Variants in LAMA1 observed in about 807,000 individuals in gnomAD.
The protein encoded by LAMA1 is laminin subunit alpha-1.
Under a neutral mutation model 348.7 loss-of-function variants are expected in LAMA1, and 219 were observed. That is an observed-to-expected ratio of 0.63 (90% CI 0.56 to 0.70). LAMA1 has a LOEUF of 0.70. LAMA1 is among the 30% of genes least tolerant of loss of function. LAMA1 has a pLI of 0.00. For missense variants in LAMA1, 3,744 were observed against 3,888.0 expected (o/e 0.96, Z 0.99); for synonymous variants, 1,487 against 1,491.0 (o/e 1.00, Z 0.06).
intron 3 of LAMA1, among the ~76,000 whole-genome samples, chr18:7,073,095 A>G (rs548070019): frequency 6.6e-6 from 1 of 152,188 alleles, no homozygotes; most frequent in East Asian, 1.9e-4. Context: ...CCCCCAAGTT[A>G]CCTTCCTGCT....
intron 16 of LAMA1, among the ~76,000 whole-genome samples, chr18:7,026,686 T>C (rs532012112): frequency 3.7e-4 from 56 of 152,176 alleles, no homozygotes; most frequent in African/African-American, 1.2e-3. Flanking sequence ...ACCAAGGACA[T>C]TGTATTTTTT....
chr18:7,099,626 A>T (rs143685950), intron 1 of LAMA1, among the ~76,000 whole-genome samples: 1 of 152,208 alleles, frequency 6.6e-6, no homozygotes, highest in East Asian at 1.9e-4. Flanking sequence ...TTAGGCAAAG[A>T]AATTCTCAAA....
Position 6,992,579 on chromosome 18 carries a change from T to C in LAMA1, c.5150A>G (p.Asn1717Ser), listed in dbSNP as rs369790608. Residue 1717 changes from asparagine (N) to serine (S), a missense_variant, in exon 36 of 63, where the codon AAT becomes AGT. Physicochemically the swap from Asn to Ser is conservative, Grantham distance 46. Around this residue, in one of 3 missense-constraint regions of LAMA1, gnomAD observed 1,983 missense variants for 1,934.3 expected, o/e 1.03. Transcript: ENST00000389658. ...QIRDFTQLHQ[N>S]ATLELKAAED... ...AACTTACTTGAGTTCAAGGGTGGCA[T>C]TTTGGTGCAACTGTGTGAAGTCTCT... 12 of 1,614,056 alleles carry C rather than the reference T, an allele frequency of 7.4e-6. No homozygotes were observed. Among genetic ancestry groups the C allele is most frequent in the South Asian group, 3.3e-5 (3 of 91,080 alleles).
rs200864652 is a variant in LAMA1 at position 6,955,358 on chromosome 18, T to G, written c.8202A>C (p.Arg2734Ser). ...GATGTTAGAATGATACCTACTTCTT[T>G]CTGACAGCCGACTGATTAAAAGGCA... The part of the protein sequence containing the change: ...FILPFNQSAV[R>S]KKLSVELSIR... Residue 2734 changes from arginine to serine, a missense_variant, in exon 57 of 63, where the codon AGA becomes AGC. Physicochemically the swap from Arg to Ser is moderately radical, Grantham distance 110. Transcript: ENST00000389658. 105 of 1,613,352 alleles carry G rather than the reference T, an allele frequency of 6.5e-5. No individual in the cohort carries two copies. Among genetic ancestry groups the G allele is most frequent in the Non-Finnish European group, 8.7e-5 (103 of 1,179,582 alleles).
intron 29 of LAMA1, among the ~76,000 whole-genome samples, chr18:7,005,702 C>T (rs893171751): frequency 3.9e-5 from 6 of 152,052 alleles, no homozygotes; most frequent in African/African-American, 7.2e-5. Flanking sequence ...GAGCTGACTG[C>T]GCCATTGTAC....
chr18:7,115,818 A>AC (rs1555671022), intron 1 of LAMA1, among the ~76,000 whole-genome samples: 104 of 145,726 alleles, frequency 7.1e-4, no homozygotes, highest in Middle Eastern at 3.6e-3. Context: ...AAAATACAAA[A>AC]AAAAAAAAAA....
intron 1 of LAMA1, among the ~76,000 whole-genome samples, chr18:7,116,079 G>A (rs966479897): frequency 3.9e-5 from 6 of 152,150 alleles, no homozygotes; most frequent in Admixed American, 3.3e-4. Context: ...ACATTAAAGG[G>A]CTCCTGCCCT....
intron 22 of LAMA1, among the ~76,000 whole-genome samples, chr18:7,014,568 GCTTTGAGGATACAGT>G (rs1401772161): frequency 5.1e-5 from 2 of 39,492 alleles, no homozygotes; most frequent in East Asian, 3.6e-4. Context: ...GATACAGTGA[GCTTTGAGGATACAGT>G]GAGCTTTGAT....
intron 1 of LAMA1, among the ~76,000 whole-genome samples, chr18:7,090,670 A>C (rs1393767913): frequency 6.6e-6 from 1 of 151,856 alleles, no homozygotes; most frequent in East Asian, 1.9e-4. Context: ...GAGATATTGA[A>C]AGAAAGAAAG....
At chr18:6,951,025 T>TA (rs1239902946) in intron 57 of LAMA1, 54 bp from the exon 58 acceptor site, 7 of 1,519,266 alleles carry the variant, frequency 4.6e-6, no homozygotes, top group Non-Finnish European at 6.3e-6. Flanking sequence ...TTTTCATTTT[T>TA]AAAACCTCAA....
At chr18:6,947,386 G>A (rs1403161953) in intron 60 of LAMA1, 90 bp from the exon 61 acceptor site, 2 of 1,503,340 alleles carry the variant, frequency 1.3e-6, no homozygotes, top group Non-Finnish European at 1.8e-6. Context: ...TGGGGGACCT[G>A]GCTCTAGCTC....
chr18:7,087,085 C>T (rs950203582), intron 1 of LAMA1, among the ~76,000 whole-genome samples: 1 of 152,072 alleles, frequency 6.6e-6, no homozygotes, highest in Non-Finnish European at 1.5e-5. Context: ...GTGCGTCGGA[C>T]TGAAGTTGAC....
intron 57 of LAMA1, among the ~76,000 whole-genome samples, chr18:6,953,491 C>T (rs1028387588): frequency 2.6e-5 from 4 of 152,078 alleles, no homozygotes; most frequent in African/African-American, 9.7e-5. Context: ...AGGTACTAGC[C>T]GAGGTTTCAG....
intron 16 of LAMA1, among the ~76,000 whole-genome samples, chr18:7,026,983 CAAA>C (rs34247523): frequency 4.4e-5 from 3 of 68,628 alleles, no homozygotes; most frequent in Admixed American, 1.7e-4. Context: ...GACTCCGTCT[CAAA>C]AAAAAAAAAA....
At chr18:6,963,310 C>G (rs2057617172) in intron 51 of LAMA1, among the ~76,000 whole-genome samples, 1 of 152,188 alleles carries the variant, frequency 6.6e-6, no homozygotes, top group Admixed American at 6.5e-5. Flanking sequence ...GCTACAGGAA[C>G]ACCCCAGTCC....
chr18:6,971,094 G>T (rs2057656272), intron 48 of LAMA1, among the ~76,000 whole-genome samples: 1 of 152,154 alleles, frequency 6.6e-6, no homozygotes, highest in South Asian at 2.1e-4. Context: ...TTAGACAAGA[G>T]AAATTATATC....
chr18:6,961,348 C>G (rs191730621), intron 53 of LAMA1, among the ~76,000 whole-genome samples: 4 of 152,266 alleles, frequency 2.6e-5, no homozygotes, highest in East Asian at 3.9e-4. Flanking sequence ...TAGAGGTAGA[C>G]AGCAAATAAC....
intron 1 of LAMA1, 36 bp downstream of exon 1, chr18:7,117,624 G>A: frequency 6.3e-7 from 1 of 1,587,622 alleles, no homozygotes; most frequent in Non-Finnish European, 8.5e-7. Context: ...GCCCGCCTGC[G>A]GGGGACAGGG....
intron 42 of LAMA1, 70 bp downstream of exon 42, chr18:6,980,451 C>T: frequency 9.3e-7 from 1 of 1,074,124 alleles, no homozygotes; most frequent in Non-Finnish European, 1.5e-6. Flanking sequence ...GGCAGGACTT[C>T]CTTATGTTCC....
Sources: gnomAD v4.1 joint callset for allele counts (sites outside exome capture counted in the v4.1 genomes callset) on GRCh38, gnomAD v4.1.1 for gene constraint, gnomAD v4.1.1 regional missense constraint, MANE v1.5 for transcripts, NCBI Gene and HGNC (gene_info 2026-07-23, HGNC 2026-07-21) for gene names.